Variants in WT1 observed in about 807,000 individuals in gnomAD.
WT1 encodes the protein Wilms tumor protein.
In WT1, 8 loss-of-function variants were observed where a neutral mutation model predicts 60.8. The observed-to-expected ratio is 0.13, with a 90% CI of 0.08 to 0.24. WT1 has a LOEUF of 0.24. Among genes scored for constraint, WT1 ranks in the 10% least tolerant of loss-of-function variants. WT1 has a pLI of 1.00. For synonymous variants in WT1, 312 were observed against 297.1 expected (o/e 1.05, Z -0.52); for missense variants, 568 against 711.8 (o/e 0.80, Z 2.30).
At chr11:32,433,746 C>A in intron 1 of WT1, among the ~76,000 whole-genome samples, 1 of 152,232 alleles carries the variant, frequency 6.6e-6, no homozygotes, top group East Asian at 1.9e-4. Flanking sequence ...CGGGCATCGG[C>A]GCGGGATGAG....
At chr11:32,430,813 C>A in intron 1 of WT1, 3 of 1,292,746 alleles carry the variant, frequency 2.3e-6, no homozygotes, top group Non-Finnish European at 2.0e-6. Context: ...GTGGTGAAAG[C>A]GCCTGCGGAG....
rs5030188 is a variant in WT1 at position 32,419,095 on chromosome 11, T to C, written c.888-1441A>G. Among the ~76,000 whole-genome samples the C allele has an allele frequency of 6.5e-3, 988 of 152,328 alleles. 16 individuals carry two copies. Among genetic ancestry groups the C allele is most frequent in the South Asian group, 0.057 (273 of 4,824 alleles). ...TGAGTTTCTCCTGCAGCTTCCCTGT[T>C]TGTAGCAGCAGCCCGTACTGGTCTG... On this transcript the variant is annotated intron_variant, in intron 3 of 9. Transcript: ENST00000452863.
chr11:32,432,323 C>T (rs569953549), intron 1 of WT1, among the ~76,000 whole-genome samples: 3 of 152,286 alleles, frequency 2.0e-5, no homozygotes, highest in East Asian at 3.9e-4. Context: ...GCCCTTGCCT[C>T]TCACAGCCCA....
At chr11:32,428,209 A>AAGAAGCT in intron 2 of WT1, 151 bp from the exon 3 acceptor site, 1 of 899,030 alleles carries the variant, frequency 1.1e-6, no homozygotes, top group Non-Finnish European at 1.7e-6. Flanking sequence ...TCCAGAATGC[A>AAGAAGCT]AGAAGCTAAG....
chr11:32,400,996 T>C (rs369926933), intron 5 of WT1, among the ~76,000 whole-genome samples: 2 of 152,284 alleles, frequency 1.3e-5, no homozygotes, highest in South Asian at 2.1e-4. Flanking sequence ...GAAATCCCAC[T>C]CTTAGGGATA....
rs1337885472 is a variant in WT1 at position 32,435,508 on chromosome 11, G to A, written c.-148C>T. 8 of 1,303,806 alleles carry A rather than the reference G, an allele frequency of 6.1e-6. No homozygotes were observed. The African/African-American group carries it at 1.0e-4, about 17-fold the overall frequency. 80.8% of individuals were successfully genotyped at this position (1,303,806 alleles called of 1,614,324 possible). ...GGTTGCGGAGAGCCCCCGGGTGTGG[G>A]CGCTGCCTTGAACTCCTTACCCCAG... On this transcript the variant is annotated 5_prime_UTR_variant, in exon 1 of 10. Transcript: ENST00000452863.
At chr11:32,433,416 C>T (rs916218993) in intron 1 of WT1, among the ~76,000 whole-genome samples, 11 of 152,200 alleles carry the variant, frequency 7.2e-5, no homozygotes, top group African/African-American at 2.4e-4. Context: ...CCTGAAGACG[C>T]GCGTTTAGAA....
chr11:32,396,493 A>G, intron 6 of WT1, 86 bp from the exon 7 acceptor site: 1 of 1,575,186 alleles, frequency 6.3e-7, no homozygotes, highest in Non-Finnish European at 8.6e-7. Flanking sequence ...GCACTGGAGT[A>G]TATCCAAAGA....
intron 3 of WT1, among the ~76,000 whole-genome samples, chr11:32,421,195 C>T (rs371565538): frequency 3.9e-5 from 6 of 152,176 alleles, no homozygotes; most frequent in Non-Finnish European, 8.8e-5. Context: ...TTTGGGCAAT[C>T]GCTCAACACC....
At chr11:32,396,928 G>T (rs1387886231) in intron 6 of WT1, among the ~76,000 whole-genome samples, 1 of 152,206 alleles carries the variant, frequency 6.6e-6, no homozygotes, top group African/African-American at 2.4e-5. Context: ...AAATAACAAG[G>T]AAGAAGAAGC....
intron 5 of WT1, among the ~76,000 whole-genome samples, chr11:32,414,752 A>G (rs1466304545): frequency 1.3e-5 from 2 of 152,128 alleles, no homozygotes; most frequent in Non-Finnish European, 1.5e-5. Context: ...AGATGCCTGT[A>G]ATCCCAGCTA....
At chr11:32,420,841 A>G (rs942953400) in intron 3 of WT1, among the ~76,000 whole-genome samples, 38 of 152,172 alleles carry the variant, frequency 2.5e-4, no homozygotes, top group Admixed American at 1.5e-3. Flanking sequence ...CAAGATCCCA[A>G]TAGAAGCCCC....
Position 32,391,572 on chromosome 11 carries a change from A to G in WT1, c.1447+400T>C, listed in dbSNP as rs5030293. Among the ~76,000 whole-genome samples, 1,108 of 152,344 alleles carry G rather than the reference A, an allele frequency of 7.3e-3. 6 individuals carry two copies. The highest frequency in any genetic ancestry group is 0.025 in the African/African-American group (1,058 of 41,568). ...CAGAGCAAGGACTCAGTTCTCTGAAAATAGTGCCATTAAACATGTGCTCTC... is the reference window on the plus strand; with the variant it reads ...CAGAGCAAGGACTCAGTTCTCTGAAGATAGTGCCATTAAACATGTGCTCTC... On this transcript the variant is annotated intron_variant, in intron 9 of 9. Transcript: ENST00000452863.
chr11:32,429,923 C>A (rs1853213702), intron 1 of WT1, among the ~76,000 whole-genome samples: 1 of 149,980 alleles, frequency 6.7e-6, no homozygotes, highest in South Asian at 2.1e-4. Context: ...ATCGTTACCT[C>A]CATTTTCGAA....
At chr11:32,416,131 G>C (rs2295082) in intron 5 of WT1, among the ~76,000 whole-genome samples, 51,607 of 152,154 alleles carry the variant, frequency 0.34, 10,187 homozygotes, top group East Asian at 0.72. Flanking sequence ...AAATAAAGAA[G>C]AAGCAAGTTA....
intron 5 of WT1, among the ~76,000 whole-genome samples, chr11:32,410,624 TATA>T (rs1332719098): frequency 6.6e-6 from 1 of 152,210 alleles, no homozygotes; most frequent in East Asian, 1.9e-4. Flanking sequence ...TTTTCCTCTT[TATA>T]ATGTTTTGGT....
chr11:32,396,144 A>C (rs5030276), intron 7 of WT1, 113 bp downstream of exon 7: 44,034 of 1,477,836 alleles, frequency 0.03, 789 homozygotes, highest in Non-Finnish European at 0.036. Flanking sequence ...AGACCTTTCA[A>C]AGCAGTGCTT....
chr11:32,429,470 C>A (rs969797158), intron 1 of WT1, among the ~76,000 whole-genome samples: 2 of 148,256 alleles, frequency 1.3e-5, no homozygotes, highest in East Asian at 2.0e-4. Context: ...ATTCCCCCCC[C>A]CCCCCAAAGT....
At position 32,428,603 on chromosome 11, in the gene WT1, G is replaced by C. The variant is rs752438619; in HGVS notation, c.678C>G (p.Thr226=). 1 of 1,613,710 alleles carries C rather than the reference G, an allele frequency of 6.2e-7. No homozygotes were observed. The highest frequency in any genetic ancestry group is 1.7e-5 in the Admixed American group (1 of 60,026). Residue 226 remains threonine (T), a synonymous_variant, in exon 2 of 10, where the codon ACC becomes ACG. Transcript: ENST00000452863. ...GACCGTAGCTGGGCGTCCCGTCGAA[G>C]GTGACCGTGCTGTAACCTGCGGGAG...
Sources: allele counts gnomAD v4.1 joint callset (sites outside exome capture counted in the v4.1 genomes callset), GRCh38; gene constraint gnomAD v4.1.1; transcripts MANE v1.5; gene names NCBI Gene and HGNC (gene_info 2026-07-23, HGNC 2026-07-21).